The following SMYD3 variants were observed in gnomAD, a reference collection of about 807,000 sequenced individuals.
The protein encoded by SMYD3 is SET and MYND domain containing 3, also known as histone-lysine N-methyltransferase SMYD3.
Under a neutral mutation model 57.7 loss-of-function variants are expected in SMYD3, and 36 were observed. That is an observed-to-expected ratio of 0.62 (90% CI 0.48 to 0.82). The LOEUF is 0.82. Ranked by LOEUF, SMYD3 falls within the 40% of genes least tolerant of loss-of-function variation. SMYD3 has a pLI of 0.00. For synonymous variants in SMYD3, 211 were observed against 195.0 expected (o/e 1.08, Z -0.68); for missense variants, 515 against 538.8 (o/e 0.96, Z 0.44).
chr1:246,186,758 G>A (rs1010237493), intron 5 of SMYD3: 1 of 985,328 alleles, frequency 1.0e-6, no homozygotes, highest in Non-Finnish European at 1.2e-6. Context: ...TCCCACCAGG[G>A]CAAAAGGTTC....
At chr1:246,310,825 A>T (rs2065064502) in intron 5 of SMYD3, among the ~76,000 whole-genome samples, 1 of 151,954 alleles carries the variant, frequency 6.6e-6, no homozygotes, top group South Asian at 2.1e-4. Context: ...ATGTGCCACC[A>T]CGCCTGGCTG....
At chr1:245,962,342 T>A (rs938443023) in intron 5 of SMYD3, among the ~76,000 whole-genome samples, 2 of 152,144 alleles carry the variant, frequency 1.3e-5, no homozygotes, top group African/African-American at 4.8e-5. Flanking sequence ...AAGATGAGTA[T>A]ACATGAAATA....
intron 1 of SMYD3, among the ~76,000 whole-genome samples, chr1:246,434,069 CAGA>C (rs1206584326): frequency 1.3e-5 from 2 of 152,128 alleles, no homozygotes; most frequent in African/African-American, 4.8e-5. Flanking sequence ...TACCTATATG[CAGA>C]AGAATACAAC....
intron 1 of SMYD3, among the ~76,000 whole-genome samples, chr1:246,383,631 T>C (rs1247262298): frequency 6.6e-6 from 1 of 152,168 alleles, no homozygotes; most frequent in Non-Finnish European, 1.5e-5. Context: ...TCACATGAAA[T>C]AAAAGCTGTT....
At chr1:245,863,224 G>C (rs890658201) in intron 9 of SMYD3, among the ~76,000 whole-genome samples, 5 of 152,180 alleles carry the variant, frequency 3.3e-5, no homozygotes, top group Admixed American at 3.3e-4. Flanking sequence ...TCCTGCCCCT[G>C]ACTCAGGCTA....
chr1:246,316,550 T>G (rs1204839009), intron 5 of SMYD3, among the ~76,000 whole-genome samples: 34 of 146,156 alleles, frequency 2.3e-4, no homozygotes, highest in African/African-American at 7.5e-4. Flanking sequence ...GGTTTTTTTT[T>G]TTTTTTTTTT....
chr1:245,785,381 T>C lies in SMYD3; in HGVS notation c.1077-21232A>G, dbSNP rs547245230. On this transcript the variant is annotated intron_variant, in intron 10 of 11. Transcript: ENST00000490107. ...TTATGTTATAACCTCAGAGGCTCTC[T>C]AAGTCCTTTCAATCAACAGACTAAG... Among the ~76,000 whole-genome samples, 4 of 152,286 alleles carry C rather than the reference T, an allele frequency of 2.6e-5. No individual in the cohort carries two copies. In the East Asian group the frequency reaches 7.7e-4, roughly 29 times the overall value.
chr1:245,877,570 TGA>T (rs940626738), intron 8 of SMYD3, among the ~76,000 whole-genome samples: 11 of 151,722 alleles, frequency 7.3e-5, no homozygotes, highest in African/African-American at 2.7e-4. Flanking sequence ...TTAGCAACAG[TGA>T]GAGAGGAAGA....
chr1:245,833,167 A>G (rs947733926), intron 10 of SMYD3, among the ~76,000 whole-genome samples: 2 of 151,926 alleles, frequency 1.3e-5, no homozygotes, highest in Non-Finnish European at 2.9e-5. Flanking sequence ...AAGATAGTAG[A>G]GTGTTCCTAT....
At chr1:245,830,624 G>T (rs898371446) in intron 10 of SMYD3, among the ~76,000 whole-genome samples, 3 of 152,048 alleles carry the variant, frequency 2.0e-5, no homozygotes, top group Admixed American at 6.5e-5. Flanking sequence ...GAAGTTTCTG[G>T]GCCAAAAATT....
chr1:245,981,050 C>T (rs1340720011), intron 5 of SMYD3, among the ~76,000 whole-genome samples: 2 of 152,184 alleles, frequency 1.3e-5, no homozygotes, highest in African/African-American at 4.8e-5. Context: ...TGATCCCTAA[C>T]TTGGAGTATC....
intron 5 of SMYD3, among the ~76,000 whole-genome samples, chr1:246,088,600 A>C: frequency 1.7e-5 from 1 of 58,746 alleles, no homozygotes; most frequent in African/African-American, 8.0e-5. Context: ...ACAGGGCGAG[A>C]CTCCGTCTCA....
intron 5 of SMYD3, among the ~76,000 whole-genome samples, chr1:246,212,801 T>C (rs985726685): frequency 6.6e-6 from 1 of 152,090 alleles, no homozygotes; most frequent in East Asian, 1.9e-4. Context: ...AGAGAATAGC[T>C]GTAATGAAAG....
intron 10 of SMYD3, among the ~76,000 whole-genome samples, chr1:245,850,565 G>A (rs182397986): frequency 1.3e-5 from 2 of 152,206 alleles, no homozygotes; most frequent in East Asian, 3.9e-4. Flanking sequence ...GTGTCAGGGT[G>A]TGTGCCTGTG....
At chr1:245,786,212 A>ACGG (rs1553321312) in intron 10 of SMYD3, among the ~76,000 whole-genome samples, 19 of 78,430 alleles carry the variant, frequency 2.4e-4, no homozygotes, top group Admixed American at 8.5e-4. Context: ...TGGGGTGTGG[A>ACGG]CGGGGGGGGG....
chr1:246,210,754 T>C (rs569974161), intron 5 of SMYD3, among the ~76,000 whole-genome samples: 1 of 151,916 alleles, frequency 6.6e-6, no homozygotes, highest in South Asian at 2.1e-4. Context: ...TACAAATCCA[T>C]TCGCAGCTCT....
intron 8 of SMYD3, among the ~76,000 whole-genome samples, chr1:245,880,328 A>G (rs1394155223): frequency 6.6e-6 from 1 of 152,230 alleles, no homozygotes; most frequent in Non-Finnish European, 1.5e-5. Flanking sequence ...GGGGTAAGAT[A>G]AGGCTATCTG....
intron 5 of SMYD3, among the ~76,000 whole-genome samples, chr1:246,252,681 A>T (rs2063816229): frequency 1.3e-5 from 2 of 152,212 alleles, no homozygotes; most frequent in Non-Finnish European, 2.9e-5. Flanking sequence ...TGATTACTGT[A>T]GGGACTGTTA....
chr1:246,029,640 C>G (rs2059632976), intron 5 of SMYD3, among the ~76,000 whole-genome samples: 1 of 148,248 alleles, frequency 6.7e-6, no homozygotes, highest in Admixed American at 6.7e-5. Flanking sequence ...CCACTGCACT[C>G]CAGCCTGGCT....
Sources: allele counts gnomAD v4.1 joint callset (sites outside exome capture counted in the v4.1 genomes callset), GRCh38; gene constraint gnomAD v4.1.1; transcripts MANE v1.5; gene names NCBI Gene and HGNC (gene_info 2026-07-23, HGNC 2026-07-21).